DNAH11: variants seen among roughly 807,000 people sequenced by gnomAD.
DNAH11 encodes the protein axonemal beta dynein heavy chain 11.
DNAH11 carries 442 observed loss-of-function variants against 526.0 expected under a neutral mutation model. The ratio of observed to expected loss-of-function variants is 0.84; its 90% CI spans 0.78 to 0.91. The LOEUF is 0.91. DNAH11 is among the 40% of genes least tolerant of loss of function. The pLI, the probability that DNAH11 is intolerant of heterozygous loss-of-function variation, is 0.00. For synonymous variants in DNAH11, 2,461 were observed against 1,935.9 expected, an observed-to-expected ratio of 1.27 and a Z score of -7.12; for missense variants, 6,989 against 5,448.7, an observed-to-expected ratio of 1.28 and a Z score of -8.90.
At chr7:21,740,250 A>G (rs942110839) in intron 48 of DNAH11, among the ~76,000 whole-genome samples, 2 of 152,120 alleles carry the variant, frequency 1.3e-5, no homozygotes, top group African/African-American at 4.8e-5. Context: ...AATTTACCAC[A>G]TTAACCATTT....
chr7:21,698,054 A>T (rs753663664), intron 35 of DNAH11, 21 bp from the exon 36 acceptor site: 13 of 1,593,610 alleles, frequency 8.2e-6, no homozygotes, highest in Non-Finnish European at 1.0e-5. Context: ...TTTAAAACTA[A>T]AATTCTTATT....
rs1437272826 is a variant in DNAH11 at position 21,658,984 on chromosome 7, C to A, written c.5281C>A (p.Leu1761Met). 2.0e-5 allele frequency: 32 copies of A among 1,609,370 alleles called. No homozygotes were observed. The highest frequency in any genetic ancestry group is 2.4e-5 in the Non-Finnish European group (28 of 1,177,908). The change falls in exon 30 of 82, where the codon CTG becomes ATG. Residue 1761 changes from leucine (L) to methionine (M), a missense_variant. Physicochemically the swap from Leu to Met is conservative, Grantham distance 15. Transcript: ENST00000409508. ...AGATGTAGGAATAGCCTTCAGTAGA[C>A]TGGAAGAAGGCTACGAAACAGCCCT... Reference protein sequence around the residue: ...TTDVGIAFSRLEEGYETALKD... With the variant: ...TTDVGIAFSRMEEGYETALKD...
intron 74 of DNAH11, among the ~76,000 whole-genome samples, chr7:21,879,408 G>C (rs58926459): frequency 0.038 from 5,778 of 151,674 alleles, 369 homozygotes; most frequent in African/African-American, 0.13. Context: ...AGTGAGCAGA[G>C]ATAGCCCCTC....
chr7:21,568,467 T>C (rs1235712001), intron 6 of DNAH11, among the ~76,000 whole-genome samples: 2 of 152,332 alleles, frequency 1.3e-5, no homozygotes, highest in South Asian at 2.1e-4. Context: ...CAAAAGTAGT[T>C]TGTGGCCCCT....
At chr7:21,786,302 ATGTGTGTG>A (rs58775729) in intron 58 of DNAH11, among the ~76,000 whole-genome samples, 2 of 150,842 alleles carry the variant, frequency 1.3e-5, no homozygotes, top group Admixed American at 1.3e-4. Context: ...ACATATACAC[ATGTGTGTG>A]TGTGTGTGTG....
intron 62 of DNAH11, among the ~76,000 whole-genome samples, chr7:21,805,693 T>A (rs1193156511): frequency 6.6e-6 from 1 of 152,152 alleles, no homozygotes; most frequent in East Asian, 1.9e-4. Context: ...GGCCCTACCA[T>A]GTGTGTCTAA....
chr7:21,566,123 C>A (rs530520718), intron 6 of DNAH11, among the ~76,000 whole-genome samples: 1 of 152,250 alleles, frequency 6.6e-6, no homozygotes, highest in African/African-American at 2.4e-5. Flanking sequence ...CACTGCAAAT[C>A]CTTGTTAACG....
intron 30 of DNAH11, among the ~76,000 whole-genome samples, chr7:21,674,785 C>T (rs73273555): frequency 3.3e-5 from 5 of 152,044 alleles, no homozygotes; most frequent in African/African-American, 1.2e-4. Flanking sequence ...AAGTCTCACA[C>T]GCACACCCAA....
intron 30 of DNAH11, among the ~76,000 whole-genome samples, chr7:21,679,250 C>T (rs938656041): frequency 1.3e-5 from 2 of 151,600 alleles, no homozygotes; most frequent in African/African-American, 2.4e-5. Context: ...TGGGGGAAAA[C>T]AGAAGATATT....
At chr7:21,681,463 C>A in intron 30 of DNAH11, 83 bp from the exon 31 acceptor site, 2 of 1,411,068 alleles carry the variant, frequency 1.4e-6, no homozygotes, top group Non-Finnish European at 1.9e-6. Flanking sequence ...ACTAAATCAG[C>A]CTTTACAAAT....
In DNAH11 at chr7:21,711,753, C is replaced by G. The variant is rs1307403895; in HGVS notation, c.6876C>G (p.Pro2292=). The G allele has an allele frequency of 6.2e-7, 1 of 1,613,878 alleles. No individual in the cohort carries two copies. The highest frequency in any genetic ancestry group is 8.5e-7 in the Non-Finnish European group (1 of 1,179,812). ...LASNERIALT[P]FMRLLFEIHH... Reference sequence around the variant, plus strand: ...GCAATGAGCGCATTGCACTCACTCCCTTCATGAGGCTTCTGTTTGAGATAC... The same window carrying G: ...GCAATGAGCGCATTGCACTCACTCCGTTCATGAGGCTTCTGTTTGAGATAC... The change falls in exon 42 of 82, where the codon CCC becomes CCG. Residue 2292 remains proline, a synonymous_variant. Coordinates refer to ENST00000409508, the MANE Select transcript of DNAH11 (RefSeq NM_001277115.2).
At chr7:21,694,327 G>A (rs750697400) in intron 35 of DNAH11, among the ~76,000 whole-genome samples, 4 of 152,012 alleles carry the variant, frequency 2.6e-5, no homozygotes, top group Non-Finnish European at 5.9e-5. Context: ...TTAGGTATTT[G>A]TCCTAATGAT....
At chr7:21,595,755 A>G (rs1317910557) in intron 14 of DNAH11, among the ~76,000 whole-genome samples, 1 of 151,592 alleles carries the variant, frequency 6.6e-6, no homozygotes, top group Non-Finnish European at 1.5e-5. Context: ...ATGAAGGAGG[A>G]GTGGATGGCA....
chr7:21,711,983 A>G (rs957419457), intron 42 of DNAH11, 123 bp downstream of exon 42: 1 of 1,175,002 alleles, frequency 8.5e-7, no homozygotes, highest in Non-Finnish European at 1.2e-6. Context: ...CATCTCTGGA[A>G]GGATTTTATC....
At chr7:21,627,524 T>C (rs1162077487) in intron 25 of DNAH11, among the ~76,000 whole-genome samples, 1 of 152,252 alleles carries the variant, frequency 6.6e-6, no homozygotes, top group Non-Finnish European at 1.5e-5. Context: ...GTACCATTTA[T>C]TGAAAAGACT....
chr7:21,851,389 T>C, intron 66 of DNAH11: 1 of 303,318 alleles, frequency 3.3e-6, no homozygotes, highest in South Asian at 3.2e-5. Context: ...CTTTTTAAAT[T>C]ACCCAGTCTC....
chr7:21,783,411 T>G (rs556857301), intron 57 of DNAH11, among the ~76,000 whole-genome samples: 1 of 152,376 alleles, frequency 6.6e-6, no homozygotes, highest in South Asian at 2.1e-4. Context: ...TGTTTAATTT[T>G]ATGGTATAGT....
Position 21,748,727 on chromosome 7 carries a change from A to G in DNAH11, c.8658A>G (p.Gly2886=). Residue 2886 remains glycine (G), a synonymous_variant, in exon 52 of 82, where the codon GGA becomes GGG. Coordinates refer to ENST00000409508, the MANE Select transcript of DNAH11 (RefSeq NM_001277115.2). The part of the protein sequence containing the change: ...VFQITLTEGY[G]IQELRVDLAN... ...AGATCACTCTGACCGAGGGCTATGG[A>G]ATCCAGGAACTTCGGGTGAGTCAAG... 6.2e-7 allele frequency: 1 copy of G among 1,612,986 alleles called. No individual in the cohort carries two copies. The highest frequency in any genetic ancestry group is 8.5e-7 in the Non-Finnish European group (1 of 1,179,380).
At chr7:21,753,416 A>G (rs888483205) in intron 54 of DNAH11, among the ~76,000 whole-genome samples, 27 of 152,206 alleles carry the variant, frequency 1.8e-4, no homozygotes, top group Non-Finnish European at 3.7e-4. Flanking sequence ...GGATTTTGGA[A>G]TAGTTTTAAA....
Sources: gnomAD v4.1 joint callset for allele counts (sites outside exome capture counted in the v4.1 genomes callset) on GRCh38, gnomAD v4.1.1 for gene constraint, MANE v1.5 for transcripts, NCBI Gene and HGNC (gene_info 2026-07-23, HGNC 2026-07-21) for gene names.